Variants in MARCHF5 observed in about 807,000 individuals in gnomAD.
MARCHF5 encodes the protein E3 ubiquitin-protein ligase MARCHF5.
In MARCHF5, 5 loss-of-function variants were observed where a neutral mutation model predicts 36.5. The observed-to-expected ratio is 0.14, with a 90% CI of 0.07 to 0.29. The LOEUF is 0.29. Ranked by LOEUF, MARCHF5 falls within the 10% of genes least tolerant of loss-of-function variation. The pLI is 1.00. For synonymous variants in MARCHF5, 103 were observed against 109.9 expected (o/e 0.94, Z 0.39); for missense variants, 179 against 336.3 (o/e 0.53, Z 3.66).
intron 2 of MARCHF5, among the ~76,000 whole-genome samples, chr10:92,313,609 A>G (rs1843172622): frequency 6.6e-6 from 1 of 151,990 alleles, no homozygotes; most frequent in South Asian, 2.1e-4. Flanking sequence ...CGTGCTAAAA[A>G]AAAAAATTGT....
At chr10:92,323,233 A>G (rs912882667) in intron 2 of MARCHF5, among the ~76,000 whole-genome samples, 2 of 152,072 alleles carry the variant, frequency 1.3e-5, no homozygotes, top group African/African-American at 4.8e-5. Context: ...TTATTTTTAA[A>G]TAGATTTTAG....
intron 1 of MARCHF5, among the ~76,000 whole-genome samples, chr10:92,295,187 G>GCTT (rs1414391426): frequency 1.3e-5 from 2 of 151,872 alleles, no homozygotes; most frequent in Non-Finnish European, 2.9e-5. Context: ...CCCTTATGGA[G>GCTT]CTTCAATTCC....
chr10:92,306,139 A>G (rs1036544595), intron 1 of MARCHF5, among the ~76,000 whole-genome samples: 11 of 152,220 alleles, frequency 7.2e-5, no homozygotes, highest in Admixed American at 1.3e-4. Flanking sequence ...CCATGTCTCA[A>G]TGCCGTCAGT....
Position 92,311,340 on chromosome 10 carries a change from A to G in MARCHF5, c.238+3A>G. The G allele has an allele frequency of 6.4e-7, 1 of 1,558,864 alleles. No homozygotes were observed. Among genetic ancestry groups the G allele is most frequent in the South Asian group, 1.2e-5 (1 of 85,606 alleles). The stretch of plus-strand genomic sequence containing the variant: ...CCTAATAGTTTTTCCAAAATTGGGT[A>G]AGAATATCTTTAAAAACAACACAGA... On this transcript the variant is annotated splice_donor_region_variant and intron_variant, in intron 2 of 5. Coordinates refer to ENST00000358935, the MANE Select transcript of MARCHF5 (RefSeq NM_017824.5).
At chr10:92,318,441 A>C (rs1273454760) in intron 2 of MARCHF5, among the ~76,000 whole-genome samples, 16 of 149,790 alleles carry the variant, frequency 1.1e-4, no homozygotes, top group African/African-American at 3.9e-4. Flanking sequence ...AAAAAAAAAA[A>C]AATGGCTAGG....
chr10:92,306,421 G>A (rs1302623041), intron 1 of MARCHF5, among the ~76,000 whole-genome samples: 2 of 152,194 alleles, frequency 1.3e-5, no homozygotes, highest in African/African-American at 4.8e-5. Flanking sequence ...CACGGCTAAT[G>A]TTGGAGGGAA....
At chr10:92,325,761 T>C (rs1015119839) in intron 2 of MARCHF5, among the ~76,000 whole-genome samples, 9 of 152,198 alleles carry the variant, frequency 5.9e-5, no homozygotes, top group African/African-American at 2.2e-4. Context: ...CTCTGCAACC[T>C]CTGCCTCCCA....
chr10:92,331,320 G>A (rs1843433391), intron 2 of MARCHF5, among the ~76,000 whole-genome samples: 1 of 151,668 alleles, frequency 6.6e-6, no homozygotes, highest in South Asian at 2.1e-4. Flanking sequence ...ACTTGGAATT[G>A]GCCTTCTTTT....
At position 92,351,698 on chromosome 10, in the gene MARCHF5, T is replaced by C. The variant is rs908105751; in HGVS notation, c.*491T>C. The C allele has an allele frequency of 6.6e-6, 1 of 152,632 alleles. No individual in the cohort carries two copies. The highest frequency in any genetic ancestry group is 1.5e-5 in the Non-Finnish European group (1 of 68,048). The allele number at this position is 152,632 out of a possible 1,614,324, so 9.5% of individuals were successfully genotyped here. A position where few individuals can be genotyped will look rare whatever the true frequency, so the allele number is the denominator to read the frequency against. ...AAATGTAAATTAAATTAGTTATAAA[T>C]AAATAACCAAAAATGTATGTAAACA... On this transcript the variant is annotated 3_prime_UTR_variant, in exon 6 of 6. Coordinates refer to ENST00000358935, the MANE Select transcript of MARCHF5 (RefSeq NM_017824.5).
At chr10:92,292,016 C>T (rs969711107) in intron 1 of MARCHF5, among the ~76,000 whole-genome samples, 1 of 151,342 alleles carries the variant, frequency 6.6e-6, no homozygotes, top group Non-Finnish European at 1.5e-5. Context: ...GAACCCGCAC[C>T]CCCCGTCCCC....
chr10:92,333,031 A>G (rs1843456964), intron 2 of MARCHF5, among the ~76,000 whole-genome samples: 1 of 151,882 alleles, frequency 6.6e-6, no homozygotes, highest in Non-Finnish European at 1.5e-5. Flanking sequence ...ATGGTGACAC[A>G]TGACTGTAAT....
At chr10:92,340,848 C>A (rs771420224) in intron 3 of MARCHF5, 45 bp downstream of exon 3, 3 of 1,450,106 alleles carry the variant, frequency 2.1e-6, no homozygotes, top group East Asian at 2.5e-5. Context: ...GTGTGAAGAT[C>A]TATTAAAACA....
chr10:92,351,735 A>G lies in MARCHF5; in HGVS notation c.*528A>G, dbSNP rs2135224904. On this transcript the variant is annotated 3_prime_UTR_variant, in exon 6 of 6. Coordinates refer to ENST00000358935, the MANE Select transcript of MARCHF5 (RefSeq NM_017824.5). ...AATGTATGTAAACATTCAAATGATT[A>G]TCTGAACAAATGAGATTTTGTGGTG... The G allele has an allele frequency of 6.5e-6, 1 of 152,790 alleles. No individual in the cohort carries two copies. The highest frequency in any genetic ancestry group is 6.5e-5 in the Admixed American group (1 of 15,298). 9.5% of individuals were successfully genotyped at this position (152,790 alleles called of 1,614,324 possible).
At chr10:92,298,976 T>C (rs997601773) in intron 1 of MARCHF5, among the ~76,000 whole-genome samples, 1 of 151,964 alleles carries the variant, frequency 6.6e-6, no homozygotes, top group African/African-American at 2.4e-5. Flanking sequence ...GCTAATTTTT[T>C]TTAAACTTTT....
chr10:92,342,600 T>G (rs1843593196), intron 3 of MARCHF5, among the ~76,000 whole-genome samples: 1 of 152,222 alleles, frequency 6.6e-6, no homozygotes, highest in South Asian at 2.1e-4. Flanking sequence ...TAAAGGACCT[T>G]CTTGGTTTAT....
chr10:92,322,963 C>T lies in MARCHF5; in HGVS notation c.238+11626C>T, dbSNP rs536956926. On this transcript the variant is annotated intron_variant, in intron 2 of 5. Transcript: ENST00000358935. Reference sequence around the variant, plus strand: ...ATGTTGGCCAGGATGGTCTTGATCTCTTGACCTCGTGATCCACCCACCTTG... The same window carrying T: ...ATGTTGGCCAGGATGGTCTTGATCTTTTGACCTCGTGATCCACCCACCTTG... 1.4e-3 allele frequency among the ~76,000 whole-genome samples: 205 copies of T among 151,602 alleles called. 1 individual carries two copies. Among genetic ancestry groups the T allele is most frequent in the African/African-American group, 4.6e-3 (190 of 41,012 alleles).
chr10:92,307,959 G>A (rs1045519030), intron 1 of MARCHF5, among the ~76,000 whole-genome samples: 7 of 118,282 alleles, frequency 5.9e-5, no homozygotes, highest in Non-Finnish European at 8.8e-5. Context: ...TTTTTTTTTT[G>A]AGATGGAGTC....
chr10:92,341,846 G>A (rs952642736), intron 3 of MARCHF5, among the ~76,000 whole-genome samples: 1 of 139,956 alleles, frequency 7.1e-6, no homozygotes, highest in African/African-American at 2.8e-5. Flanking sequence ...TTGGGCATGT[G>A]GTGGCACAGT....
intron 1 of MARCHF5, 37 bp from the exon 2 acceptor site, chr10:92,311,098 A>C: frequency 6.4e-7 from 1 of 1,551,346 alleles, no homozygotes; most frequent in South Asian, 1.1e-5. Flanking sequence ...GGAGTCCTAA[A>C]GATATAAATG....
Sources: gnomAD v4.1 joint callset for allele counts (sites outside exome capture counted in the v4.1 genomes callset) on GRCh38, gnomAD v4.1.1 for gene constraint, MANE v1.5 for transcripts, NCBI Gene and HGNC (gene_info 2026-07-23, HGNC 2026-07-21) for gene names.